KCNH1: variants seen among roughly 807,000 people sequenced by gnomAD.
KCNH1 encodes the protein potassium voltage-gated channel subfamily H member 1.
KCNH1 carries 27 observed loss-of-function variants against 69.2 expected under a neutral mutation model. The observed-to-expected ratio is 0.39, with a 90% CI of 0.29 to 0.54. The LOEUF is 0.54. KCNH1 is among the 20% of genes least tolerant of loss of function. The pLI is 0.68. For synonymous variants in KCNH1, 456 were observed against 487.7 expected (o/e 0.93, Z 0.86); for missense variants, 798 against 1,261.6 (o/e 0.63, Z 5.57).
At chr1:210,987,388 T>C (rs1298945391) in intron 6 of KCNH1, among the ~76,000 whole-genome samples, 1 of 152,206 alleles carries the variant, frequency 6.6e-6, no homozygotes, top group African/African-American at 2.4e-5. Context: ...GTTTTTCTGC[T>C]CTGTTTTCTT....
chr1:210,740,483 G>A (rs1682995060), intron 10 of KCNH1, among the ~76,000 whole-genome samples: 1 of 151,946 alleles, frequency 6.6e-6, no homozygotes, highest in African/African-American at 2.4e-5. Context: ...TTCTGGGTTT[G>A]TTTTTCCTTC....
intron 10 of KCNH1, 121 bp downstream of exon 10, chr1:210,775,227 T>G: frequency 1.3e-6 from 1 of 787,338 alleles, no homozygotes; most frequent in Non-Finnish European, 2.0e-6. Flanking sequence ...AACAAACAGA[T>G]CCTCTTTAGA....
intron 10 of KCNH1, among the ~76,000 whole-genome samples, chr1:210,719,277 A>G (rs1019233248): frequency 6.6e-5 from 10 of 152,116 alleles, no homozygotes; most frequent in African/African-American, 1.7e-4. Context: ...AACCCCTGAG[A>G]AACGTGGGGA....
At chr1:210,785,191 A>C (rs951688375) in intron 9 of KCNH1, among the ~76,000 whole-genome samples, 1 of 152,232 alleles carries the variant, frequency 6.6e-6, no homozygotes, top group African/African-American at 2.4e-5. Context: ...TTGAGATTTC[A>C]TAGAGAAGAT....
intron 10 of KCNH1, among the ~76,000 whole-genome samples, chr1:210,747,704 A>T (rs1683192622): frequency 6.6e-6 from 1 of 151,758 alleles, no homozygotes; most frequent in Admixed American, 6.6e-5. Flanking sequence ...TAAAGTAGGC[A>T]TGCTTGAATG....
chr1:210,747,933 A>G (rs373488122), intron 10 of KCNH1, among the ~76,000 whole-genome samples: 1 of 152,250 alleles, frequency 6.6e-6, no homozygotes, highest in Non-Finnish European at 1.5e-5. Flanking sequence ...AGATCCTTTG[A>G]CAGGGAACAA....
intron 6 of KCNH1, among the ~76,000 whole-genome samples, chr1:210,985,619 CT>C (rs974506437): frequency 2.6e-5 from 4 of 152,120 alleles, no homozygotes; most frequent in Non-Finnish European, 2.9e-5. Flanking sequence ...ATCCTGAGTT[CT>C]AGTTTGATTG....
intron 1 of KCNH1, among the ~76,000 whole-genome samples, chr1:211,121,752 G>T (rs926571835): frequency 6.6e-6 from 1 of 152,182 alleles, no homozygotes; most frequent in Non-Finnish European, 1.5e-5. Context: ...ATAGCCTACA[G>T]AATGGGAGAA....
rs552119173 is a variant in KCNH1, at chr1:210,862,253, G to T, written c.1462+57387C>A. On this transcript the variant is annotated intron_variant, in intron 7 of 10. Coordinates refer to ENST00000271751, the MANE Select transcript of KCNH1 (RefSeq NM_172362.3). ...TGCAGGGCTGGGTCCATGGTGCCCC[G>T]CAGGGCCTCGATAATGGTGTTGGGG... 5 of 1,060,194 alleles carry T rather than the reference G, an allele frequency of 4.7e-6. No individual in the cohort carries two copies. In the Admixed American group the frequency reaches 6.9e-5, roughly 15 times the overall value. The allele number at this position is 1,060,194 out of a possible 1,614,324, so 65.7% of individuals were successfully genotyped here.
chr1:211,051,779 A>T (rs1044222076), intron 5 of KCNH1, among the ~76,000 whole-genome samples: 4 of 152,192 alleles, frequency 2.6e-5, no homozygotes, highest in African/African-American at 9.7e-5. Context: ...AAGAATCACA[A>T]ATCCTCACAA....
rs1023192073 is a variant in KCNH1, at chr1:210,900,666, C to T, written c.1462+18974G>A. On this transcript the variant is annotated intron_variant, in intron 7 of 10. Coordinates refer to ENST00000271751, the MANE Select transcript of KCNH1 (RefSeq NM_172362.3). ...GTGCATAAACAGTGGGCCAAGGTCA[C>T]GATGGAACAAGAAGAGCCTCTGCAC... Among the ~76,000 whole-genome samples the T allele has an allele frequency of 8.5e-5, 13 of 152,108 alleles. 1 individual carries two copies. The highest frequency in any genetic ancestry group is 1.9e-4 in the East Asian group (1 of 5,182).
chr1:210,949,500 T>A (rs115172456), intron 6 of KCNH1, among the ~76,000 whole-genome samples: 1,939 of 152,320 alleles, frequency 0.013, 44 homozygotes, highest in African/African-American at 0.044. Flanking sequence ...TTTAACACAG[T>A]CCTCAATTGT....
intron 7 of KCNH1, among the ~76,000 whole-genome samples, chr1:210,822,174 C>A (rs2102427668): frequency 6.6e-6 from 1 of 152,056 alleles, no homozygotes. Flanking sequence ...GGTGATGGGG[C>A]TGGGCAGGGC....
chr1:211,020,989 T>C (rs1348761233), intron 5 of KCNH1, among the ~76,000 whole-genome samples: 1 of 152,164 alleles, frequency 6.6e-6, no homozygotes, highest in Non-Finnish European at 1.5e-5. Flanking sequence ...GGTACTCAAA[T>C]GCCTTACATT....
At chr1:210,972,048 A>C (rs1688520833) in intron 6 of KCNH1, among the ~76,000 whole-genome samples, 1 of 152,090 alleles carries the variant, frequency 6.6e-6, no homozygotes, top group Non-Finnish European at 1.5e-5. Flanking sequence ...AATGCCTGTG[A>C]CCTTATGTGA....
intron 7 of KCNH1, chr1:210,861,716 G>T: frequency 1.3e-6 from 1 of 774,536 alleles, no homozygotes; most frequent in Non-Finnish European, 2.4e-6. Flanking sequence ...TGATCAGACT[G>T]GTCAGAAAGA....
intron 6 of KCNH1, among the ~76,000 whole-genome samples, chr1:210,940,153 C>T (rs1396970813): frequency 1.3e-5 from 2 of 152,188 alleles, no homozygotes; most frequent in Admixed American, 1.3e-4. Flanking sequence ...TTCTTCCCTT[C>T]CATTGCTTCA....
At chr1:210,690,395 T>A (rs1681503232) in intron 10 of KCNH1, among the ~76,000 whole-genome samples, 1 of 152,088 alleles carries the variant, frequency 6.6e-6, no homozygotes, top group Non-Finnish European at 1.5e-5. Flanking sequence ...TCAGGCACCT[T>A]GAGTGGCCGA....
intron 10 of KCNH1, among the ~76,000 whole-genome samples, chr1:210,713,729 T>C (rs1487198644): frequency 6.6e-6 from 1 of 152,178 alleles, no homozygotes; most frequent in Non-Finnish European, 1.5e-5. Context: ...CACAGCCCAA[T>C]TCAAATGCCA....
Sources: gnomAD v4.1 joint callset for allele counts (sites outside exome capture counted in the v4.1 genomes callset) on GRCh38, gnomAD v4.1.1 for gene constraint, MANE v1.5 for transcripts, NCBI Gene and HGNC (gene_info 2026-07-23, HGNC 2026-07-21) for gene names.